Variants in ATG10 observed in about 807,000 individuals in gnomAD.
ATG10 encodes autophagy related 10, also known as ubiquitin-like-conjugating enzyme ATG10.
A neutral mutation model predicts 32.1 loss-of-function variants in ATG10; 30 were observed. The ratio of observed to expected loss-of-function variants is 0.94; its 90% CI spans 0.70 to 1.27. The LOEUF (loss-of-function observed/expected upper bound fraction) is 1.27. Ranked by LOEUF, ATG10 falls within the 50% of genes most tolerant of loss-of-function variation. The pLI is 0.00. For synonymous variants in ATG10, 87 were observed against 91.5 expected, an observed-to-expected ratio of 0.95 and a Z score of 0.28; for missense variants, 233 against 262.3, an observed-to-expected ratio of 0.89 and a Z score of 0.77.
chr5:82,108,381 T>G (rs984517732), intron 3 of ATG10, among the ~76,000 whole-genome samples: 4 of 151,938 alleles, frequency 2.6e-5, no homozygotes, highest in African/African-American at 9.7e-5. Flanking sequence ...CCTATATATA[T>G]GTGCATATAT....
chr5:82,173,575 C>T (rs554558724), intron 4 of ATG10, among the ~76,000 whole-genome samples: 2 of 152,098 alleles, frequency 1.3e-5, no homozygotes, highest in Non-Finnish European at 2.9e-5. Context: ...ATATAAATGA[C>T]CTCAATTTAC....
intron 2 of ATG10, among the ~76,000 whole-genome samples, chr5:81,988,735 A>G (rs1047117956): frequency 1.3e-5 from 2 of 152,004 alleles, no homozygotes; most frequent in South Asian, 2.1e-4. Context: ...CGCCTGGCCC[A>G]AAGTATTTTT....
intron 2 of ATG10, among the ~76,000 whole-genome samples, chr5:82,007,485 C>A (rs891626934): frequency 6.6e-6 from 1 of 152,134 alleles, no homozygotes; most frequent in African/African-American, 2.4e-5. Flanking sequence ...CAGGGCCTTG[C>A]TCTGTCACCC....
intron 2 of ATG10, among the ~76,000 whole-genome samples, chr5:82,027,070 T>TA (rs1057253139): frequency 1.2e-5 from 1 of 86,590 alleles, no homozygotes; most frequent in African/African-American, 3.3e-5. Context: ...GAAAAATGAA[T>TA]AAATAAAATA....
intron 3 of ATG10, among the ~76,000 whole-genome samples, chr5:82,108,797 A>G (rs530368531): frequency 1.3e-5 from 2 of 152,136 alleles, no homozygotes; most frequent in African/African-American, 4.8e-5. Flanking sequence ...TTTTCAGTCT[A>G]TGTGACTATG....
chr5:81,975,938 T>A (rs1760860598), intron 1 of ATG10, among the ~76,000 whole-genome samples: 1 of 151,738 alleles, frequency 6.6e-6, no homozygotes, highest in South Asian at 2.1e-4. Flanking sequence ...AAGATGTGAT[T>A]AGGGTGAGTT....
chr5:81,990,539 G>A (rs1761422022), intron 2 of ATG10, among the ~76,000 whole-genome samples: 1 of 152,192 alleles, frequency 6.6e-6, no homozygotes, highest in Admixed American at 6.5e-5. Context: ...CACTGAAGTT[G>A]TAAACTAATG....
At chr5:82,087,360 AAATTATTATTAATTGGGCTTAGGGG>A (rs1764728307) in intron 3 of ATG10, among the ~76,000 whole-genome samples, 1 of 152,024 alleles carries the variant, frequency 6.6e-6, no homozygotes, top group Non-Finnish European at 1.5e-5. Context: ...GTAATAATGG[AAATTATTATTAATTGGGCTTAGGGG>A]AATTATTATT....
intron 3 of ATG10, among the ~76,000 whole-genome samples, chr5:82,129,359 A>C (rs573685623): frequency 6.6e-6 from 1 of 152,098 alleles, no homozygotes; most frequent in Admixed American, 6.6e-5. Flanking sequence ...CATCAAACTC[A>C]TTCCATGTCC....
chr5:82,253,215 C>T, intron 6 of ATG10, 99 bp from the exon 7 acceptor site: 1 of 790,860 alleles, frequency 1.3e-6, no homozygotes, highest in Non-Finnish European at 2.2e-6. Flanking sequence ...TGAAGAAAGC[C>T]TCACTTTTGT....
chr5:82,033,927 G>A (rs1009352541), intron 2 of ATG10, among the ~76,000 whole-genome samples: 2 of 147,734 alleles, frequency 1.4e-5, no homozygotes, highest in Non-Finnish European at 3.0e-5. Context: ...TACTATATGT[G>A]TATATGTATG....
chr5:82,225,686 G>T (rs1302103332), intron 5 of ATG10, among the ~76,000 whole-genome samples: 4 of 152,086 alleles, frequency 2.6e-5, no homozygotes, highest in Non-Finnish European at 4.4e-5. Flanking sequence ...TGCCTTCCTT[G>T]CCGATTTCCA....
chr5:82,152,191 C>T (rs1346275992), intron 3 of ATG10, among the ~76,000 whole-genome samples: 1 of 152,208 alleles, frequency 6.6e-6, no homozygotes, highest in African/African-American at 2.4e-5. Flanking sequence ...GAACCCAGGG[C>T]TCTTTGACTT....
chr5:82,166,814 CA>C (rs935171853), intron 4 of ATG10, among the ~76,000 whole-genome samples: 9 of 152,010 alleles, frequency 5.9e-5, no homozygotes, highest in African/African-American at 1.9e-4. Flanking sequence ...ATTTCTTGCC[CA>C]GGGGTCTTTT....
At chr5:82,240,669 C>T (rs1746752617) in intron 5 of ATG10, among the ~76,000 whole-genome samples, 1 of 151,978 alleles carries the variant, frequency 6.6e-6, no homozygotes, top group African/African-American at 2.4e-5. Context: ...TGGAATGTTC[C>T]CAACATAAAG....
At chr5:82,182,542 A>T (rs922055926) in intron 5 of ATG10, among the ~76,000 whole-genome samples, 1 of 152,282 alleles carries the variant, frequency 6.6e-6, no homozygotes, top group African/African-American at 2.4e-5. Context: ...TAGCAATAAA[A>T]AGGGACCAAT....
chr5:82,191,224 G>GT lies in ATG10; in HGVS notation c.453+12642dup, dbSNP rs1289811888. On this transcript the variant is annotated intron_variant, in intron 5 of 7. Transcript: ENST00000282185. The stretch of plus-strand genomic sequence containing the variant: ...TTACTGATAAATAGCTGAAATGTAG[G>GT]TTTTTCTTGCAATTGATTGGCACAT... Among the ~76,000 whole-genome samples the GT allele has an allele frequency of 2.6e-5, 4 of 152,290 alleles. No homozygotes were observed. In the East Asian group the frequency reaches 7.7e-4, roughly 29 times the overall value.
At position 82,184,214 on chromosome 5, in the gene ATG10, A is replaced by G. The variant is rs569764637; in HGVS notation, c.453+5627A>G. 5.8e-4 allele frequency among the ~76,000 whole-genome samples: 89 copies of G among 152,284 alleles called. 1 individual carries two copies. The South Asian group carries it at 0.018, about 32-fold the overall frequency. ...TTAAATTACAAAGATTCTGTGTCTT[A>G]GTTTGATTTTCCATTAGAGGTTACA... On this transcript the variant is annotated intron_variant, in intron 5 of 7. Coordinates refer to ENST00000282185, the MANE Select transcript of ATG10 (RefSeq NM_031482.5).
chr5:82,139,432 G>A (rs1352521166), intron 3 of ATG10, among the ~76,000 whole-genome samples: 1 of 144,848 alleles, frequency 6.9e-6, no homozygotes, highest in African/African-American at 2.6e-5. Flanking sequence ...CATCTAGGAA[G>A]TGAGGAGCGT....
Sources: gnomAD v4.1 joint callset for allele counts (sites outside exome capture counted in the v4.1 genomes callset) on GRCh38, gnomAD v4.1.1 for gene constraint, MANE v1.5 for transcripts, NCBI Gene and HGNC (gene_info 2026-07-23, HGNC 2026-07-21) for gene names.